Variants in KCNJ9 observed in about 807,000 individuals in gnomAD.
The protein encoded by KCNJ9 is G protein-activated inward rectifier potassium channel 3.
In KCNJ9, 18 loss-of-function variants were observed where a neutral mutation model predicts 27.9. The ratio of observed to expected loss-of-function variants is 0.65; its 90% confidence interval spans 0.45 to 0.96. The LOEUF is 0.96. Among genes scored for constraint, KCNJ9 ranks in the 40% least tolerant of loss-of-function variants. KCNJ9 has a pLI of 0.00. For synonymous variants in KCNJ9, 229 were observed against 248.2 expected (o/e 0.92, Z 0.73); for missense variants, 324 against 557.5 (o/e 0.58, Z 4.22).
Position 160,086,072 on chromosome 1 carries a change from C to T in KCNJ9, c.850+1192C>T, listed in dbSNP as rs111245114. Among the ~76,000 whole-genome samples, 39 of 152,288 alleles carry T rather than the reference C, an allele frequency of 2.6e-4. 1 individual carries two copies. Among genetic ancestry groups the T allele is most frequent in the African/African-American group, 1.4e-4 (6 of 41,544 alleles). On this transcript the variant is annotated intron_variant, in intron 2 of 2. Transcript: ENST00000368088. Reference sequence around the variant, plus strand: ...CCTCACCCTCCAGGGAAGTTGCTGCCCGGCCCTCTTTTCTCTTTGTACCCC... The same window carrying T: ...CCTCACCCTCCAGGGAAGTTGCTGCTCGGCCCTCTTTTCTCTTTGTACCCC...
rs763072486 is a variant in KCNJ9 at position 160,084,125 on chromosome 1, ACGTG to A, written c.97_100del (p.Val33SerfsTer12). The stretch of plus-strand genomic sequence containing the variant: ...TACGTGGAGAAGGATGGCCGGTGCA[ACGTG>A]CAGCAGGGCAACGTGCGCGAGACAT... On this transcript the variant is annotated frameshift_variant, in exon 2 of 3. Coordinates refer to ENST00000368088, the MANE Select transcript of KCNJ9 (RefSeq NM_004983.3). LOFTEE classifies it high-confidence loss of function. 7.1e-6 allele frequency: 11 copies of A among 1,559,750 alleles called. No individual in the cohort carries two copies.
chr1:160,083,512 G>A (rs1373222639), intron 1 of KCNJ9, among the ~76,000 whole-genome samples: 1 of 152,094 alleles, frequency 6.6e-6, no homozygotes, highest in African/African-American at 2.4e-5. Flanking sequence ...TTAGGGCAGG[G>A]AGGGCTCCAT....
chr1:160,087,880 T>C lies in KCNJ9; in HGVS notation c.*63T>C, dbSNP rs73023672. 24,745 of 1,358,644 alleles carry C rather than the reference T, an allele frequency of 0.018. 1,515 individuals are homozygous for C. In the African/African-American group the frequency reaches 0.2, roughly 11 times the overall value. 84.2% of individuals were successfully genotyped at this position (1,358,644 alleles called of 1,614,324 possible). A position where few individuals can be genotyped will look rare whatever the true frequency, so the allele number is the denominator to read the frequency against. On this transcript the variant is annotated 3_prime_UTR_variant, in exon 3 of 3. Transcript: ENST00000368088. ...AGACACAGATACATGGGGAACTGCA[T>C]ATCGGAGGTGGTGGAGGAGGAGGAG...
At chr1:160,082,343 C>G (rs1053453107) in intron 1 of KCNJ9, among the ~76,000 whole-genome samples, 3 of 152,222 alleles carry the variant, frequency 2.0e-5, no homozygotes, top group Admixed American at 6.5e-5. Context: ...GAAAAGGAAG[C>G]CCATTGTTGG....
At chr1:160,085,574 G>C (rs1180773937) in intron 2 of KCNJ9, among the ~76,000 whole-genome samples, 1 of 152,202 alleles carries the variant, frequency 6.6e-6, no homozygotes, top group Non-Finnish European at 1.5e-5. Flanking sequence ...CCACTGACAA[G>C]GGATATAGAT....
chr1:160,084,504 C>T lies in KCNJ9; in HGVS notation c.474C>T (p.Phe158=), dbSNP rs1345720606. 23 of 1,613,396 alleles carry T rather than the reference C, an allele frequency of 1.4e-5. No homozygotes were observed. Among genetic ancestry groups the T allele is most frequent in the Non-Finnish European group, 1.9e-5 (23 of 1,179,854 alleles). Residue 158 remains phenylalanine (F), a synonymous_variant, in exon 2 of 3, where the codon TTC becomes TTT. Coordinates refer to ENST00000368088, the MANE Select transcript of KCNJ9 (RefSeq NM_004983.3). ...ACGCCTTCATGGTGGGCTGCATGTT[C>T]GTCAAGATCTCGCAGCCCAACAAGC... ...MVNAFMVGCM[F]VKISQPNKRA...
rs953298437 is a variant in KCNJ9 at position 160,083,929 on chromosome 1, C to G, written c.-102C>G. 9.1e-7 allele frequency: 1 copy of G among 1,096,248 alleles called. No individual in the cohort carries two copies. The allele number at this position is 1,096,248 out of a possible 1,614,324, so 67.9% of individuals were successfully genotyped here. ...AACCTTTATTAAGCCCCTCCAGGAC[C>G]CCCGACGCCGCCTAGGCGCCCAGCG... On this transcript the variant is annotated 5_prime_UTR_variant, in exon 2 of 3. Transcript: ENST00000368088.
Position 160,084,589 on chromosome 1 carries a change from T to C in KCNJ9, c.559T>C (p.Cys187Arg). 1 of 1,610,852 alleles carries C rather than the reference T, an allele frequency of 6.2e-7. No homozygotes were observed. Among genetic ancestry groups the C allele is most frequent in the Non-Finnish European group, 8.5e-7 (1 of 1,178,588 alleles). Residue 187 changes from cysteine (C) to arginine (R), a missense_variant, in exon 2 of 3, where the codon TGC (cysteine) becomes CGC (arginine). Around this residue, in one of 3 missense-constraint regions of KCNJ9, gnomAD observed 241 missense variants for 481.7 expected, o/e 0.50. Transcript: ENST00000368088. ...GGTGTCGCTGCGCGACGGGCGCCTC[T>C]GCCTCATGTTCCGCGTGGGCGACTT... Reference protein sequence around the residue: ...AVVSLRDGRLCLMFRVGDLRS... With the variant: ...AVVSLRDGRLRLMFRVGDLRS...
At position 160,084,531 on chromosome 1, in the gene KCNJ9, C is replaced by T. The variant is rs777931385; in HGVS notation, c.501C>T (p.Arg167=). 6.2e-7 allele frequency: 1 copy of T among 1,612,618 alleles called. No individual in the cohort carries two copies. The highest frequency in any genetic ancestry group is 8.5e-7 in the Non-Finnish European group (1 of 1,179,498). ...MFVKISQPNK[R]AATLVFSSHA... ...TCAAGATCTCGCAGCCCAACAAGCG[C>T]GCAGCCACGCTCGTCTTCTCCTCGC... is the stretch of plus-strand genomic sequence containing the variant. The change falls in exon 2 of 3, where the codon CGC becomes CGT. Residue 167 remains arginine, a synonymous_variant. Transcript: ENST00000368088.
At position 160,085,110 on chromosome 1, in the gene KCNJ9, C is replaced by A. The variant is rs891543927; in HGVS notation, c.850+230C>A. ...TCTCCGAAATGGCACTGGCGTGGGG[C>A]CCTGGGCCCAGAGGAATGTGTCACT... On this transcript the variant is annotated intron_variant, in intron 2 of 2. Transcript: ENST00000368088. Among the ~76,000 whole-genome samples the A allele has an allele frequency of 2.0e-5, 3 of 152,176 alleles. No homozygotes were observed. In the South Asian group the frequency reaches 6.2e-4, roughly 31 times the overall value.
rs780323585 is a variant in KCNJ9, at chr1:160,087,517, G to A, written c.882G>A (p.Leu294=). 6.2e-7 allele frequency: 1 copy of A among 1,608,974 alleles called. No homozygotes were observed. Among genetic ancestry groups the A allele is most frequent in the South Asian group, 1.1e-5 (1 of 90,582 alleles). Reference sequence around the variant, plus strand: ...CATGCCAAGCTCGGAGCTCCTACCTGGTAGACGAGGTGCTGTGGGGCCACC... The same window carrying A: ...CATGCCAAGCTCGGAGCTCCTACCTAGTAGACGAGGTGCTGTGGGGCCACC... ...GMTCQARSSY[L]VDEVLWGHRF... is the part of the protein sequence containing the mutation. The change falls in exon 3 of 3, where the codon CTG becomes CTA. Residue 294 remains leucine (L), a synonymous_variant. Coordinates refer to ENST00000368088, the MANE Select transcript of KCNJ9 (RefSeq NM_004983.3).
Position 160,083,982 on chromosome 1 carries a change from C to A in KCNJ9, c.-49C>A, listed in dbSNP as rs1046426759. 2 of 1,222,118 alleles carry A rather than the reference C, an allele frequency of 1.6e-6. No individual in the cohort carries two copies. The highest frequency in any genetic ancestry group is 2.0e-6 in the Non-Finnish European group (2 of 984,506). The allele number at this position is 1,222,118 out of a possible 1,614,324, so 75.7% of individuals were successfully genotyped here. Reference sequence around the variant, plus strand: ...GCGCGGCAGGTGGCAGCAGCTCGGGCCCCCGCCGCACTCCAGGCGCCCGCA... The same window carrying A: ...GCGCGGCAGGTGGCAGCAGCTCGGGACCCCGCCGCACTCCAGGCGCCCGCA... On this transcript the variant is annotated 5_prime_UTR_variant, in exon 2 of 3. Transcript: ENST00000368088.
At position 160,082,905 on chromosome 1, in the gene KCNJ9, G is replaced by T. The variant is rs1570945145; in HGVS notation, c.-114-1012G>T. Among the ~76,000 whole-genome samples, 3 of 152,132 alleles carry T rather than the reference G, an allele frequency of 2.0e-5. No homozygotes were observed. In the South Asian group the frequency reaches 6.2e-4, roughly 32 times the overall value. On this transcript the variant is annotated intron_variant, in intron 1 of 2. Transcript: ENST00000368088. The stretch of plus-strand genomic sequence containing the variant: ...TGTGAAGAAAAATCAGGTGGGCTTC[G>T]CTTGGAATGTGGGCTTTGGGGCATA...
Position 160,089,833 on chromosome 1 carries a change from A to T in KCNJ9, c.*2016A>T, listed in dbSNP as rs1419907386. On this transcript the variant is annotated 3_prime_UTR_variant, in exon 3 of 3. Transcript: ENST00000368088. ...CCCACACAGCAGCACTGGCCCAGCA[A>T]GGACCTCCTCCCTTGGCCCTGGCCA... 2 of 152,574 alleles carry T rather than the reference A, an allele frequency of 1.3e-5. No individual in the cohort carries two copies. Among genetic ancestry groups the T allele is most frequent in the African/African-American group, 4.8e-5 (2 of 41,452 alleles). The allele number at this position is 152,574 out of a possible 1,614,324, so 9.5% of individuals were successfully genotyped here. A position where few individuals can be genotyped will look rare whatever the true frequency, so the allele number is the denominator to read the frequency against.
intron 1 of KCNJ9, among the ~76,000 whole-genome samples, chr1:160,082,922 T>C (rs189195391): frequency 6.9e-6 from 1 of 145,148 alleles, no homozygotes; most frequent in African/African-American, 2.6e-5. Context: ...ATGTGGGCTT[T>C]GGGGCATATG....
chr1:160,084,072 G>A lies in KCNJ9; in HGVS notation c.42G>A (p.Glu14=), dbSNP rs1466173584. The A allele has an allele frequency of 6.5e-7, 1 of 1,534,382 alleles. No individual in the cohort carries two copies. The highest frequency in any genetic ancestry group is 8.7e-7 in the Non-Finnish European group (1 of 1,144,256). ...ENAAFSPGQE[E]PPRRRGRQRY... is the part of the protein sequence containing the mutation. Reference sequence around the variant, plus strand: ...CGGCCTTCTCGCCCGGGCAGGAGGAGCCGCCGCGGCGCCGCGGCCGCCAGC... The same window carrying A: ...CGGCCTTCTCGCCCGGGCAGGAGGAACCGCCGCGGCGCCGCGGCCGCCAGC... Residue 14 remains glutamate (E), a synonymous_variant, in exon 2 of 3, where the codon GAG becomes GAA. Transcript: ENST00000368088.
In KCNJ9 at chr1:160,089,902, C is replaced by T. The variant is rs1570948670; in HGVS notation, c.*2085C>T. 1 of 152,698 alleles carries T rather than the reference C, an allele frequency of 6.5e-6. No homozygotes were observed. Among genetic ancestry groups the T allele is most frequent in the African/African-American group, 2.4e-5 (1 of 41,584 alleles). The allele number at this position is 152,698 out of a possible 1,614,324, so 9.5% of individuals were successfully genotyped here. ...TCATAAGCCCCCTGGGGAAAGCACT[C>T]CAGTCTTCTCTGTTCCAGGCTGGGC... On this transcript the variant is annotated 3_prime_UTR_variant, in exon 3 of 3. Transcript: ENST00000368088.
chr1:160,086,400 G>C (rs1035215458), intron 2 of KCNJ9, among the ~76,000 whole-genome samples: 2 of 152,170 alleles, frequency 1.3e-5, no homozygotes, highest in Admixed American at 1.3e-4. Flanking sequence ...GGGAGGACCA[G>C]GACAGAGGAG....
At chr1:160,084,954 A>T in intron 2 of KCNJ9, 74 bp downstream of exon 2, 2 of 1,414,142 alleles carry the variant, frequency 1.4e-6, no homozygotes, top group East Asian at 2.5e-5. Context: ...GGGCGAGACT[A>T]GGGGCCAGGG....
Sources: gnomAD v4.1 joint callset for allele counts (sites outside exome capture counted in the v4.1 genomes callset) on GRCh38, gnomAD v4.1.1 for gene constraint, gnomAD v4.1.1 regional missense constraint, MANE v1.5 for transcripts, NCBI Gene and HGNC (gene_info 2026-07-23, HGNC 2026-07-21) for gene names.